C4orf50: variants seen among roughly 807,000 people sequenced by gnomAD.
The protein encoded by C4orf50 is chromosome 4 open reading frame 50, also known as uncharacterized protein C4orf50.
A neutral mutation model predicts 77.2 loss-of-function variants in C4orf50; 80 were observed. That is an observed-to-expected ratio of 1.04 (90% CI 0.87 to 1.25). The LOEUF (loss-of-function observed/expected upper bound fraction) is 1.25. Among genes scored for constraint, C4orf50 ranks in the 50% most tolerant of loss-of-function variants. C4orf50 has a pLI of 0.00. For synonymous variants in C4orf50, 532 were observed against 465.3 expected, an observed-to-expected ratio of 1.14 and a Z score of -1.84; for missense variants, 1,257 against 1,152.9, an observed-to-expected ratio of 1.09 and a Z score of -1.31.
At position 5,988,339 on chromosome 4, in the gene C4orf50, C is replaced by T; in HGVS notation, c.3699+8G>A. ...TGATGAGTAAGCAGATATGCAGACCCAACCTACCATGGGGCCATTGCTCAG... is the reference window on the plus strand; with the variant it reads ...TGATGAGTAAGCAGATATGCAGACCTAACCTACCATGGGGCCATTGCTCAG... On this transcript the variant is annotated splice_region_variant and intron_variant, in intron 28 of 33. Coordinates refer to ENST00000531445, the Ensembl canonical transcript of C4orf50. 1 of 1,612,454 alleles carries T rather than the reference C, an allele frequency of 6.2e-7. No individual in the cohort carries two copies.
At chr4:5,981,439 T>C (rs982545401) in intron 28 of C4orf50, among the ~76,000 whole-genome samples, 3 of 151,244 alleles carry the variant, frequency 2.0e-5, no homozygotes, top group African/African-American at 7.3e-5. Flanking sequence ...AGTTTCGCTT[T>C]TGTTGTCCAG....
chr4:5,975,495 TTTTTGTTTTGTTTTGTTTTG>T (rs61144018), intron 30 of C4orf50, among the ~76,000 whole-genome samples: 56 of 149,776 alleles, frequency 3.7e-4, no homozygotes, highest in African/African-American at 1.2e-3. Context: ...CTTTGCGGTT[TTTTTGTTTTGTTTTGTTTTG>T]TTTTGTTTTG....
intron 25 of C4orf50, among the ~76,000 whole-genome samples, chr4:6,006,132 G>A (rs1210884505): frequency 1.3e-5 from 2 of 152,132 alleles, no homozygotes; most frequent in African/African-American, 4.8e-5. Flanking sequence ...GAGAATAGGA[G>A]GATAAAGCAG....
In C4orf50 at chr4:5,902,528, G is replaced by A. The variant is rs1001589617; in HGVS notation, c.*2475-4340C>T. 4 of 152,212 alleles carry A rather than the reference G, an allele frequency of 2.6e-5. No homozygotes were observed. In the South Asian group the frequency reaches 8.3e-4, roughly 32 times the overall value. 9.4% of individuals were successfully genotyped at this position (152,212 alleles called of 1,614,324 possible). Reference sequence around the variant, plus strand: ...CCTTGGACGTGACCTTACTTGTTAAGAAGTAGCATTTGTGAAGCATCTGCT... The same window carrying A: ...CCTTGGACGTGACCTTACTTGTTAAAAAGTAGCATTTGTGAAGCATCTGCT... On this transcript the variant is annotated intron_variant, in intron 7 of 7. Coordinates refer to the C4orf50 transcript ENST00000324058.
At chr4:6,004,724 G>C (rs1722172627) in intron 25 of C4orf50, among the ~76,000 whole-genome samples, 1 of 150,220 alleles carries the variant, frequency 6.7e-6, no homozygotes, top group Non-Finnish European at 1.5e-5. Flanking sequence ...ATGATGTGAT[G>C]GTGATGATAG....
rs76951995 is a variant in C4orf50 at position 5,925,763 on chromosome 4, G to A, written c.*2475-27575C>T. On this transcript the variant is annotated intron_variant, in intron 7 of 7. Transcript: ENST00000324058. ...GATAAACACCTACACCAGGGTTTGG[G>A]AGCGAGGACCAGGGTTGGGGAAGCA... is the stretch of plus-strand genomic sequence containing the variant. Among the ~76,000 whole-genome samples the A allele has an allele frequency of 1.0e-3, 153 of 152,376 alleles. 4 individuals are homozygous for A. The East Asian group carries it at 0.028, about 27-fold the overall frequency.
intron 32 of C4orf50, among the ~76,000 whole-genome samples, chr4:5,966,325 A>C (rs569327035): frequency 4.4e-4 from 67 of 152,134 alleles, no homozygotes; most frequent in South Asian, 3.1e-3. Flanking sequence ...AAATACAAAA[A>C]TTAGCCAGGC....
intron 7 of C4orf50, among the ~76,000 whole-genome samples, chr4:5,940,908 A>C (rs7664229): frequency 0.24 from 35,963 of 152,006 alleles, 5,427 homozygotes; most frequent in African/African-American, 0.43. Flanking sequence ...AGCTGAAAAA[A>C]CAGTCAACTG....
chr4:6,012,709 T>C (rs984483996), intron 23 of C4orf50, among the ~76,000 whole-genome samples: 4 of 152,130 alleles, frequency 2.6e-5, no homozygotes, highest in East Asian at 1.9e-4. Flanking sequence ...TGAACCCTGA[T>C]TGCAGCTCTG....
exon 33 of C4orf50, chr4:5,965,054 T>C (rs1200816131): frequency 1.2e-6 from 2 of 1,613,684 alleles, no homozygotes; most frequent in African/African-American, 1.3e-5. Context: ...CTGTCTGTGC[T>C]GGCCACTCCG....
exon 29 of C4orf50, chr4:5,980,292 C>G (rs146706396): frequency 5.0e-5 from 80 of 1,612,702 alleles, no homozygotes; most frequent in Middle Eastern, 3.3e-4. Flanking sequence ...CTGCTGGGCC[C>G]GCAGCCTGGG....
intron 7 of C4orf50, among the ~76,000 whole-genome samples, chr4:5,934,242 G>C (rs545282806): frequency 1.3e-5 from 2 of 152,158 alleles, no homozygotes; most frequent in Non-Finnish European, 2.9e-5. Context: ...CAGGAGTCAC[G>C]GCTGCTCTGA....
At chr4:5,999,765 C>T (rs10027426) in intron 25 of C4orf50, among the ~76,000 whole-genome samples, 61,941 of 151,918 alleles carry the variant, frequency 0.41, 12,850 homozygotes, top group Middle Eastern at 0.46. Context: ...CATGTCACCT[C>T]GGGGGCACTG....
At chr4:5,967,856 T>TGAGTGCACC (rs1719674855) in intron 31 of C4orf50, among the ~76,000 whole-genome samples, 1 of 152,244 alleles carries the variant, frequency 6.6e-6, no homozygotes, top group African/African-American at 2.4e-5. Flanking sequence ...GGCTTGAATC[T>TGAGTGCACC]GAGTGCACCA....
intron 33 of C4orf50, among the ~76,000 whole-genome samples, chr4:5,964,536 G>A (rs529739213): frequency 1.3e-5 from 2 of 152,186 alleles, no homozygotes; most frequent in Non-Finnish European, 2.9e-5. Flanking sequence ...TTGGGAGGTC[G>A]AGGTGGGTGG....
rs1329113665 is a variant in C4orf50, at chr4:6,004,279, G to A, written c.963+3717C>T. ...TGATGGTGATGGTGGTGATGGTGAT[G>A]GTGATGTTGGTGATGATGGTGATGG... On this transcript the variant is annotated intron_variant, in intron 25 of 33. Transcript: ENST00000531445. 1.1e-3 allele frequency among the ~76,000 whole-genome samples: 78 copies of A among 72,994 alleles called. 5 individuals carry two copies. Among genetic ancestry groups the A allele is most frequent in the East Asian group, 3.7e-3 (3 of 816 alleles). 47.9% of individuals were successfully genotyped at this position (72,994 alleles called of 152,430 possible).
intron 26 of C4orf50, 30 bp downstream of exon 4, chr4:5,994,317 C>T (rs374566367): frequency 1.5e-5 from 6 of 399,168 alleles, no homozygotes; most frequent in African/African-American, 8.2e-5. Flanking sequence ...GCCCGCGACT[C>T]GTCCTCCACG....
At chr4:5,939,278 T>G (rs1718165651) in intron 7 of C4orf50, among the ~76,000 whole-genome samples, 1 of 152,100 alleles carries the variant, frequency 6.6e-6, no homozygotes, top group South Asian at 2.1e-4. Context: ...AGAAATGGAA[T>G]ATACCAGTCA....
intron 7 of C4orf50, among the ~76,000 whole-genome samples, chr4:5,923,487 G>A (rs1024609946): frequency 6.6e-6 from 1 of 151,946 alleles, no homozygotes; most frequent in Admixed American, 6.6e-5. Flanking sequence ...GTGTGCATTA[G>A]TGCCTGCCTG....
Sources: allele counts gnomAD v4.1 joint callset (sites outside exome capture counted in the v4.1 genomes callset), GRCh38; gene constraint gnomAD v4.1.1; transcripts MANE v1.5; gene names NCBI Gene and HGNC (gene_info 2026-07-23, HGNC 2026-07-21).